The following CALCR variants were observed in gnomAD, a reference collection of about 807,000 sequenced individuals.
CALCR encodes calcitonin receptor.
CALCR carries 47 observed loss-of-function variants against 59.5 expected under a neutral mutation model. The ratio of observed to expected loss-of-function variants is 0.79; its 90% CI spans 0.63 to 1.01. The LOEUF is 1.01. Among genes scored for constraint, CALCR ranks in the 50% least tolerant of loss-of-function variants. CALCR has a pLI of 0.00. For missense variants in CALCR, 566 were observed against 597.1 expected (o/e 0.95, Z 0.54); for synonymous variants, 213 against 211.3 (o/e 1.01, Z -0.07).
At chr7:93,458,013 A>G (rs564716239) in intron 8 of CALCR, among the ~76,000 whole-genome samples, 22 of 152,268 alleles carry the variant, frequency 1.4e-4, no homozygotes, top group Non-Finnish European at 2.8e-4. Flanking sequence ...GGATAATTCC[A>G]TCCATTGCTC....
chr7:93,463,298 C>A (rs1004445696), intron 7 of CALCR, among the ~76,000 whole-genome samples: 1 of 151,404 alleles, frequency 6.6e-6, no homozygotes, highest in African/African-American at 2.4e-5. Flanking sequence ...CTGTATCTCT[C>A]TATATAAAAA....
chr7:93,456,198 G>C (rs1800205472), intron 8 of CALCR, among the ~76,000 whole-genome samples: 1 of 152,118 alleles, frequency 6.6e-6, no homozygotes, highest in African/African-American at 2.4e-5. Context: ...AGTCTATGCT[G>C]TTTATATGTA....
At chr7:93,485,513 T>C (rs1172530336) in intron 3 of CALCR, among the ~76,000 whole-genome samples, 2 of 151,718 alleles carry the variant, frequency 1.3e-5, no homozygotes, top group African/African-American at 4.8e-5. Flanking sequence ...ATGTTCAATA[T>C]AATTATTTAT....
At chr7:93,457,370 A>G (rs1010761727) in intron 8 of CALCR, among the ~76,000 whole-genome samples, 1 of 152,138 alleles carries the variant, frequency 6.6e-6, no homozygotes, top group Non-Finnish European at 1.5e-5. Context: ...GGTTTCTATA[A>G]TTTAGTAGCA....
At chr7:93,538,905 A>T (rs1789058282) in intron 2 of CALCR, among the ~76,000 whole-genome samples, 1 of 151,930 alleles carries the variant, frequency 6.6e-6, no homozygotes, top group Non-Finnish European at 1.5e-5. Flanking sequence ...ATTTTAACAA[A>T]CTCTAGGTGA....
intron 2 of CALCR, among the ~76,000 whole-genome samples, chr7:93,525,484 C>A (rs962596207): frequency 6.6e-6 from 1 of 152,064 alleles, no homozygotes; most frequent in Non-Finnish European, 1.5e-5. Flanking sequence ...AGGAAGAGAG[C>A]AAAATATGAA....
At chr7:93,502,995 C>T (rs1001981388) in intron 2 of CALCR, among the ~76,000 whole-genome samples, 1 of 151,998 alleles carries the variant, frequency 6.6e-6, no homozygotes, top group Non-Finnish European at 1.5e-5. Flanking sequence ...CATGTAGATA[C>T]TATTATTGTT....
At chr7:93,571,453 T>C (rs1274591581) in intron 2 of CALCR, among the ~76,000 whole-genome samples, 1 of 151,904 alleles carries the variant, frequency 6.6e-6, no homozygotes, top group African/African-American at 2.4e-5. Context: ...CCCAAATGCT[T>C]TACAAATATT....
At chr7:93,462,869 C>T (rs369886362) in intron 7 of CALCR, among the ~76,000 whole-genome samples, 1 of 152,008 alleles carries the variant, frequency 6.6e-6, no homozygotes, top group African/African-American at 2.4e-5. Flanking sequence ...ACACTTATCA[C>T]CTGCTGACAC....
intron 9 of CALCR, among the ~76,000 whole-genome samples, chr7:93,440,860 C>A (rs192097671): frequency 6.6e-6 from 1 of 152,040 alleles, no homozygotes; most frequent in Non-Finnish European, 1.5e-5. Flanking sequence ...AGCAACTCCC[C>A]GTTCTGTGCT....
In CALCR at chr7:93,466,255, T is replaced by A. The variant is rs537861537; in HGVS notation, c.521+2460A>T. ...AACCTATTGTAATGTGCAGTAAAGA[T>A]CTTAAAGGTGATGGTGATGTAGAGT... On this transcript the variant is annotated intron_variant, in intron 7 of 13. Coordinates refer to ENST00000426151, the MANE Select transcript of CALCR (RefSeq NM_001742.4). Among the ~76,000 whole-genome samples, 4 of 151,996 alleles carry A rather than the reference T, an allele frequency of 2.6e-5. No homozygotes were observed. In the South Asian group the frequency reaches 8.3e-4, roughly 32 times the overall value.
At chr7:93,476,769 G>A (rs1800675352) in intron 5 of CALCR, among the ~76,000 whole-genome samples, 1 of 151,878 alleles carries the variant, frequency 6.6e-6, no homozygotes, top group African/African-American at 2.4e-5. Context: ...CATTCATTGG[G>A]AAGAGTCAAT....
intron 2 of CALCR, among the ~76,000 whole-genome samples, chr7:93,506,303 T>TG (rs1199862454): frequency 6.6e-6 from 1 of 152,150 alleles, no homozygotes; most frequent in Non-Finnish European, 1.5e-5. Context: ...TTAGGTTTTT[T>TG]GGGGAGGTTC....
rs766426506 is a variant in CALCR, at chr7:93,425,542, T to TAAGA, written c.*810_*813dup. 2.7e-4 allele frequency: 41 copies of TAAGA among 152,626 alleles called. No individual in the cohort carries two copies. Among genetic ancestry groups the TAAGA allele is most frequent in the Non-Finnish European group, 5.6e-4 (38 of 68,024 alleles). 9.5% of individuals were successfully genotyped at this position (152,626 alleles called of 1,614,324 possible). On this transcript the variant is annotated 3_prime_UTR_variant, in exon 14 of 14. Coordinates refer to ENST00000426151, the MANE Select transcript of CALCR (RefSeq NM_001742.4). ...CTTTAAAGGGAGTATTGTCTTCCAC[T>TAAGA]AAGAATTATATTTTTGGCAGTTTTG...
At chr7:93,461,679 A>G (rs1800339916) in intron 7 of CALCR, among the ~76,000 whole-genome samples, 2 of 152,280 alleles carry the variant, frequency 1.3e-5, no homozygotes, top group African/African-American at 2.4e-5. Flanking sequence ...CCTTTTGTGT[A>G]TTAAGCAATT....
intron 13 of CALCR, among the ~76,000 whole-genome samples, chr7:93,430,167 C>T (rs1799629281): frequency 6.6e-6 from 1 of 152,022 alleles, no homozygotes; most frequent in Non-Finnish European, 1.5e-5. Context: ...AATCTCCTGA[C>T]CTTGTGATCC....
intron 2 of CALCR, among the ~76,000 whole-genome samples, chr7:93,488,843 T>C (rs931640659): frequency 2.6e-5 from 4 of 151,634 alleles, no homozygotes; most frequent in African/African-American, 9.7e-5. Flanking sequence ...CTACCAATAT[T>C]AGAGAGATCA....
Position 93,482,813 on chromosome 7 carries a change from G to A in CALCR, c.52-3306C>T, listed in dbSNP as rs1269175184. ...GAAACAAACTCCAGTGAACTTGTTT[G>A]AAGCTGGTTCAGTAGAGATTGTTTC... On this transcript the variant is annotated intron_variant, in intron 3 of 13. Coordinates refer to ENST00000426151, the MANE Select transcript of CALCR (RefSeq NM_001742.4). 7.5e-6 allele frequency: 4 copies of A among 533,534 alleles called. No individual in the cohort carries two copies. The African/African-American group carries it at 7.7e-5, about 10-fold the overall frequency. The allele number at this position is 533,534 out of a possible 1,614,324, so 33.0% of individuals were successfully genotyped here.
intron 2 of CALCR, among the ~76,000 whole-genome samples, chr7:93,556,747 G>A (rs1006781126): frequency 3.3e-5 from 5 of 151,758 alleles, no homozygotes; most frequent in Admixed American, 2.0e-4. Flanking sequence ...ATATAGATCT[G>A]CCTCATTCTT....
Sources: gnomAD v4.1 joint callset for allele counts (sites outside exome capture counted in the v4.1 genomes callset) on GRCh38, gnomAD v4.1.1 for gene constraint, MANE v1.5 for transcripts, NCBI Gene and HGNC (gene_info 2026-07-23, HGNC 2026-07-21) for gene names.